TBC1D1: variants seen among roughly 807,000 people sequenced by gnomAD.
The protein encoded by TBC1D1 is TBC1 (tre-2/USP6, BUB2, cdc16) domain family, member 1.
A neutral mutation model predicts 125.6 loss-of-function variants in TBC1D1; 89 were observed. The ratio of observed to expected loss-of-function variants is 0.71; its 90% CI spans 0.60 to 0.85. The LOEUF is 0.85. TBC1D1 is among the 40% of genes least tolerant of loss of function. TBC1D1 has a pLI of 0.00. For synonymous variants in TBC1D1, 565 were observed against 564.1 expected (o/e 1.00, Z -0.02); for missense variants, 1,377 against 1,469.2 (o/e 0.94, Z 1.03).
At chr4:38,070,976 T>C (rs748993827) in intron 12 of TBC1D1, among the ~76,000 whole-genome samples, 1 of 152,348 alleles carries the variant, frequency 6.6e-6, no homozygotes, top group South Asian at 2.1e-4. Context: ...AAATTGCTTC[T>C]CTCTTGTGGG....
At chr4:38,123,690 TG>T (rs944113142) in intron 17 of TBC1D1, among the ~76,000 whole-genome samples, 7 of 152,192 alleles carry the variant, frequency 4.6e-5, no homozygotes, top group Admixed American at 1.3e-4. Flanking sequence ...GACCCTGAGC[TG>T]GGTGGGAGAA....
Position 38,014,936 on chromosome 4 carries a change from CCA to C in TBC1D1, c.848_849del (p.Thr283ArgfsTer16). The C allele has an allele frequency of 6.4e-7, 1 of 1,560,670 alleles. No homozygotes were observed. The highest frequency in any genetic ancestry group is 8.7e-7 in the Non-Finnish European group (1 of 1,149,670). Reference sequence around the variant, plus strand: ...ATTAGCGGACACAATATTGTGCAGCCCACAGATATCGAGGAAAATCGAACTAT... The same window carrying C: ...ATTAGCGGACACAATATTGTGCAGCCCAGATATCGAGGAAAATCGAACTAT... On this transcript the variant is annotated frameshift_variant, in exon 3 of 20. Coordinates refer to ENST00000261439, the MANE Select transcript of TBC1D1 (RefSeq NM_015173.4). LOFTEE classifies it high-confidence loss of function. The surrounding 1 kb of genome is among the most constrained non-coding windows in gnomAD (Gnocchi z 5.1).
At position 37,909,878 on chromosome 4, in the gene TBC1D1, G is replaced by A. The variant is rs57017922; in HGVS notation, c.417+7366G>A. On this transcript the variant is annotated intron_variant, in intron 2 of 19. Transcript: ENST00000261439. ...GCAGTGTATCCATGTCAGCTAATCA[G>A]CACTTGACTGTCTGTCACACTAGAC... Among the ~76,000 whole-genome samples the A allele has an allele frequency of 4.6e-3, 702 of 152,292 alleles. 3 individuals carry two copies. The highest frequency in any genetic ancestry group is 0.016 in the African/African-American group (650 of 41,554).
At chr4:37,973,598 T>A (rs1046652001) in intron 2 of TBC1D1, among the ~76,000 whole-genome samples, 2 of 151,952 alleles carry the variant, frequency 1.3e-5, no homozygotes, top group Non-Finnish European at 2.9e-5. Context: ...GGAGTTGGAG[T>A]GATGGAGTAT....
chr4:38,114,176 C>T (rs996276630), intron 15 of TBC1D1, among the ~76,000 whole-genome samples: 9 of 152,120 alleles, frequency 5.9e-5, no homozygotes, highest in African/African-American at 1.9e-4. Context: ...GGTGAGTGCA[C>T]GGAGCTCCAG....
At chr4:37,967,356 G>A (rs1290675351) in intron 2 of TBC1D1, among the ~76,000 whole-genome samples, 3 of 151,984 alleles carry the variant, frequency 2.0e-5, no homozygotes, top group African/African-American at 4.8e-5. Flanking sequence ...TTAGCTGGGC[G>A]CAGTGGCGTG....
At chr4:38,107,666 TTG>T (rs1389465944) in intron 15 of TBC1D1, among the ~76,000 whole-genome samples, 1 of 145,310 alleles carries the variant, frequency 6.9e-6, no homozygotes, top group Non-Finnish European at 1.5e-5. Context: ...GTTCTACAGT[TTG>T]TGAATATTTT....
Position 38,035,645 on chromosome 4 carries a change from T to C in TBC1D1, c.1360T>C (p.Cys454Arg). 1.2e-6 allele frequency: 2 copies of C among 1,614,034 alleles called. No individual in the cohort carries two copies. Among genetic ancestry groups the C allele is most frequent in the Non-Finnish European group, 1.7e-6 (2 of 1,179,970 alleles). ...TGAATTGATTATTTCTTTTCTGAGA[T>C]GTTTATATGAAGAGAAACAGAAAGA... Residue 454 changes from cysteine to arginine, a missense_variant, in exon 8 of 20, where the codon TGT becomes CGT. By Grantham distance (180) the Cys-to-Arg change is radical. Around this residue, in one of 3 missense-constraint regions of TBC1D1, gnomAD observed 822 missense variants for 824.6 expected, o/e 1.00. Transcript: ENST00000261439.
At chr4:38,089,105 G>A (rs1306575306) in intron 12 of TBC1D1, among the ~76,000 whole-genome samples, 4 of 152,154 alleles carry the variant, frequency 2.6e-5, no homozygotes, top group Admixed American at 2.6e-4. Flanking sequence ...GGATTATAGT[G>A]GTATGTAGTG....
intron 2 of TBC1D1, among the ~76,000 whole-genome samples, chr4:37,983,191 C>T (rs956045686): frequency 6.9e-4 from 102 of 146,992 alleles, no homozygotes; most frequent in African/African-American, 2.3e-3. Context: ...GGTGCGATCT[C>T]GGCTCCCTCC....
At position 37,994,769 on chromosome 4, in the gene TBC1D1, G is replaced by A. The variant is rs78902120; in HGVS notation, c.418-19740G>A. Among the ~76,000 whole-genome samples the A allele has an allele frequency of 4.3e-4, 65 of 152,322 alleles. 1 individual carries two copies. In the East Asian group the frequency reaches 0.011, roughly 26 times the overall value. On this transcript the variant is annotated intron_variant, in intron 2 of 19. Transcript: ENST00000261439. ...GGCTGTGACCCCTCTCTTAGTGTGA[G>A]GATGACATTTCTCCTAATGCCCTAG...
At chr4:38,019,056 A>T (rs1455950535) in intron 4 of TBC1D1, among the ~76,000 whole-genome samples, 1 of 152,124 alleles carries the variant, frequency 6.6e-6, no homozygotes, top group African/African-American at 2.4e-5. Flanking sequence ...TTTTCTTGAT[A>T]ATCTTCCAGG....
intron 2 of TBC1D1, among the ~76,000 whole-genome samples, chr4:37,940,093 A>C (rs1002092805): frequency 9.2e-5 from 14 of 152,184 alleles, no homozygotes; most frequent in Non-Finnish European, 2.9e-5. Context: ...GATGGCATTG[A>C]ATCTATAAAT....
intron 2 of TBC1D1, among the ~76,000 whole-genome samples, chr4:37,998,449 C>T: frequency 6.6e-6 from 1 of 152,220 alleles, no homozygotes; most frequent in Admixed American, 6.5e-5. Context: ...GTCTCAGTCT[C>T]AGCTGTTTGC....
chr4:37,991,312 G>A (rs542398352), intron 2 of TBC1D1, among the ~76,000 whole-genome samples: 5 of 152,198 alleles, frequency 3.3e-5, no homozygotes, highest in Non-Finnish European at 7.3e-5. Flanking sequence ...TTTGGCTTGG[G>A]TGTGGGTGTT....
intron 15 of TBC1D1, chr4:38,110,459 A>G: frequency 1.0e-6 from 1 of 985,460 alleles, no homozygotes. Flanking sequence ...TGATCCTGGA[A>G]GAACATCCGT....
intron 2 of TBC1D1, among the ~76,000 whole-genome samples, chr4:37,973,087 G>T (rs1034338619): frequency 6.6e-6 from 1 of 152,054 alleles, no homozygotes; most frequent in Non-Finnish European, 1.5e-5. Flanking sequence ...AAAATATTTG[G>T]TGTTAGAGCA....
intron 15 of TBC1D1, among the ~76,000 whole-genome samples, chr4:38,107,577 G>GTTTTTTTTTT (rs3038351): frequency 3.0e-4 from 16 of 53,078 alleles, no homozygotes; most frequent in Admixed American, 8.9e-4. Context: ...GTCTAAACAG[G>GTTTTTTTTTT]TTTTTTTTTT....
chr4:37,921,175 A>G (rs1211743267), intron 2 of TBC1D1, among the ~76,000 whole-genome samples: 16 of 150,740 alleles, frequency 1.1e-4, no homozygotes, highest in Admixed American at 4.6e-4. Context: ...GCAGTAATGA[A>G]CTTTGTAAAG....
Sources: gnomAD v4.1 joint callset for allele counts (sites outside exome capture counted in the v4.1 genomes callset) on GRCh38, gnomAD v4.1.1 for gene constraint, gnomAD v4.1.1 regional missense constraint, Gnocchi (gnomAD v3.1) non-coding constraint, MANE v1.5 for transcripts, NCBI Gene and HGNC (gene_info 2026-07-23, HGNC 2026-07-21) for gene names.